SGCB: variants seen among roughly 807,000 people sequenced by gnomAD.
SGCB encodes beta-sarcoglycan.
SGCB carries 25 observed loss-of-function variants against 27.3 expected under a neutral mutation model. The observed-to-expected ratio is 0.92, with a 90% CI of 0.67 to 1.28. The LOEUF is 1.28. Ranked by LOEUF, SGCB falls within the 50% of genes most tolerant of loss-of-function variation. The pLI is 0.00. For missense variants in SGCB, 436 were observed against 402.1 expected (o/e 1.08, Z -0.72); for synonymous variants, 147 against 133.5 (o/e 1.10, Z -0.70).
In SGCB at chr4:52,022,733, G is replaced by A. The variant is rs1046206758; in HGVS notation, c.*1224C>T. 12 of 152,180 alleles carry A rather than the reference G, an allele frequency of 7.9e-5. No homozygotes were observed. Among genetic ancestry groups the A allele is most frequent in the African/African-American group, 2.9e-4 (12 of 41,438 alleles). The allele number at this position is 152,180 out of a possible 1,614,324, so 9.4% of individuals were successfully genotyped here. On this transcript the variant is annotated 3_prime_UTR_variant, in exon 6 of 6. Transcript: ENST00000381431. ...CCCACTTTCCACTGTGTTGCCCCGA[G>A]TGCTGAGGGTATAAATATCTTGGCA...
chr4:52,022,200 T>G lies in SGCB; in HGVS notation c.*1757A>C, dbSNP rs1736967896. Reference sequence around the variant, plus strand: ...CTTTTCATTTAAAAACAGCGCTCAGTGTTAGGTAGTAAGTCAATCCAATTT... The same window carrying G: ...CTTTTCATTTAAAAACAGCGCTCAGGGTTAGGTAGTAAGTCAATCCAATTT... On this transcript the variant is annotated 3_prime_UTR_variant, in exon 6 of 6. Transcript: ENST00000381431. 6.6e-6 allele frequency: 1 copy of G among 152,184 alleles called. No individual in the cohort carries two copies. The highest frequency in any genetic ancestry group is 1.5e-5 in the Non-Finnish European group (1 of 68,030). The allele number at this position is 152,184 out of a possible 1,614,324, so 9.4% of individuals were successfully genotyped here.
rs1287661105 is a variant in SGCB at position 52,029,740 on chromosome 4, A to G, written c.367T>C (p.Tyr123His). ...CGCCTTCCTCCTACTGTGCTTTTAT[A>G]AAGAGGGTGGATCACTCCCATGTCA... Reference protein sequence around the residue: ...VSDMGVIHPLYKSTVGGRRNE... With the variant: ...VSDMGVIHPLHKSTVGGRRNE... The change falls in exon 3 of 6, where the codon TAT becomes CAT. Residue 123 changes from tyrosine (Y) to histidine (H), a missense_variant. Coordinates refer to ENST00000381431, the MANE Select transcript of SGCB (RefSeq NM_000232.5). The G allele has an allele frequency of 6.2e-7, 1 of 1,613,838 alleles. No homozygotes were observed. The highest frequency in any genetic ancestry group is 8.5e-7 in the Non-Finnish European group (1 of 1,179,828).
At chr4:52,030,181 TTA>T (rs879830689) in intron 2 of SGCB, among the ~76,000 whole-genome samples, 397 of 152,302 alleles carry the variant, frequency 2.6e-3, no homozygotes, top group Non-Finnish European at 4.3e-3. Context: ...CATCTAGAAT[TTA>T]TCTCCTTATT....
In SGCB at chr4:52,024,128, C is replaced by G. The variant is rs1737025408; in HGVS notation, c.786G>C (p.Met262Ile). The stretch of plus-strand genomic sequence containing the variant: ...AACTGGGTAGGCGGGTGGTGCTGAC[C>G]ATCACAGATCCATTTAGGATGATAC... ...ENSIILNGSV[M>I]VSTTRLPSSS... The change falls in exon 6 of 6, where the codon ATG becomes ATC. Residue 262 changes from methionine to isoleucine, a missense_variant. By Grantham distance (10) the Met-to-Ile change is conservative. Transcript: ENST00000381431. The G allele has an allele frequency of 6.2e-7, 1 of 1,613,914 alleles. No homozygotes were observed. The highest frequency in any genetic ancestry group is 1.7e-5 in the Admixed American group (1 of 60,004).
intron 3 of SGCB, 74 bp from the exon 4 acceptor site, chr4:52,028,995 T>C (rs967667444): frequency 4.5e-5 from 51 of 1,124,040 alleles, no homozygotes; most frequent in African/African-American, 1.1e-4. Flanking sequence ...CAATATATTT[T>C]AAAAATTACA....
intron 1 of SGCB, among the ~76,000 whole-genome samples, chr4:52,036,847 C>T (rs1357127451): frequency 6.6e-6 from 1 of 152,154 alleles, no homozygotes; most frequent in African/African-American, 2.4e-5. Flanking sequence ...CTTAAAATGG[C>T]CTTGGTCCTA....
At position 52,038,275 on chromosome 4, in the gene SGCB, G is replaced by C. The variant is rs1057521057; in HGVS notation, c.-16C>G. The C allele has an allele frequency of 1.4e-4, 176 of 1,292,656 alleles. No homozygotes were observed. The highest frequency in any genetic ancestry group is 1.7e-4 in the Non-Finnish European group (169 of 1,018,076). The allele number at this position is 1,292,656 out of a possible 1,614,324, so 80.1% of individuals were successfully genotyped here. A position where few individuals can be genotyped will look rare whatever the true frequency, so the allele number is the denominator to read the frequency against. On this transcript the variant is annotated 5_prime_UTR_variant, in exon 1 of 6. Coordinates refer to ENST00000381431, the MANE Select transcript of SGCB (RefSeq NM_000232.5). ...CTGCCGCCATCTTCCCGCGCCCGCC[G>C]CCGCCGAGCTCCCCGCCCGACTGTG...
rs944139620 is a variant in SGCB at position 52,022,646 on chromosome 4, G to A, written c.*1311C>T. 45 of 152,018 alleles carry A rather than the reference G, an allele frequency of 3.0e-4. 1 individual carries two copies. Among genetic ancestry groups the A allele is most frequent in the African/African-American group, 1.1e-3 (44 of 41,364 alleles). The allele number at this position is 152,018 out of a possible 1,614,324, so 9.4% of individuals were successfully genotyped here. A position where few individuals can be genotyped will look rare whatever the true frequency, so the allele number is the denominator to read the frequency against. ...GTCCAGTGCTTCTGGACTTATTTTC[G>A]AGGCATGGTGTACTTACTAGGCCAT... On this transcript the variant is annotated 3_prime_UTR_variant, in exon 6 of 6. Transcript: ENST00000381431.
At position 52,038,269 on chromosome 4, in the gene SGCB, CCCG is replaced by C. The variant is rs1217614047; in HGVS notation, c.-13_-11del. 4.1e-5 allele frequency: 53 copies of C among 1,293,554 alleles called. No individual in the cohort carries two copies. Among genetic ancestry groups the C allele is most frequent in the Middle Eastern group, 5.9e-4 (2 of 3,402 alleles). The allele number at this position is 1,293,554 out of a possible 1,614,324, so 80.1% of individuals were successfully genotyped here. On this transcript the variant is annotated 5_prime_UTR_variant, in exon 1 of 6. Transcript: ENST00000381431. Reference sequence around the variant, plus strand: ...CCGCCGCTGCCGCCATCTTCCCGCGCCCGCCGCCGCCGAGCTCCCCGCCCGACT... The same window carrying C: ...CCGCCGCTGCCGCCATCTTCCCGCGCCCGCCGCCGAGCTCCCCGCCCGACT...
At chr4:52,038,170 G>C in intron 1 of SGCB, 57 bp downstream of exon 1, 1 of 1,132,366 alleles carries the variant, frequency 8.8e-7, no homozygotes, top group Non-Finnish European at 1.1e-6. Context: ...GGGCCCAGCC[G>C]GCAGGACGCG....
At chr4:52,033,896 A>G (rs796955728) in intron 1 of SGCB, among the ~76,000 whole-genome samples, 36 of 152,188 alleles carry the variant, frequency 2.4e-4, no homozygotes, top group African/African-American at 8.2e-4. Flanking sequence ...GTCAAAGTAT[A>G]CAGCTTGTTT....
chr4:52,037,896 G>C (rs2109380173), intron 1 of SGCB, among the ~76,000 whole-genome samples: 1 of 152,282 alleles, frequency 6.6e-6, no homozygotes, highest in South Asian at 2.1e-4. Flanking sequence ...CGGCTGAACG[G>C]GGTACGTCCC....
chr4:52,028,711 C>G lies in SGCB; in HGVS notation c.621+19G>C. ...GAATAATTCTCTCCCATTAGTAAAACAAAGCCAATAAATCATACCCTTTCA... is the reference window on the plus strand; with the variant it reads ...GAATAATTCTCTCCCATTAGTAAAAGAAAGCCAATAAATCATACCCTTTCA... On this transcript the variant is annotated intron_variant, in intron 4 of 5. Coordinates refer to ENST00000381431, the MANE Select transcript of SGCB (RefSeq NM_000232.5). 4 of 1,561,626 alleles carry G rather than the reference C, an allele frequency of 2.6e-6. No individual in the cohort carries two copies. In the East Asian group the frequency reaches 6.7e-5, roughly 26 times the overall value.
rs886044103 is a variant in SGCB, at chr4:52,038,245, C to CGCCGCT, written c.9_14dup (p.Ala8_Ala9dup). 7.6e-5 allele frequency: 98 copies of CGCCGCT among 1,292,950 alleles called. No individual in the cohort carries two copies. The Admixed American group carries it at 2.0e-3, about 27-fold the overall frequency. 80.1% of individuals were successfully genotyped at this position (1,292,950 alleles called of 1,614,324 possible). On this transcript the variant is annotated inframe_insertion, in exon 1 of 6. Coordinates refer to ENST00000381431, the MANE Select transcript of SGCB (RefSeq NM_000232.5). ...CACAGACCTGTTCTGCAGCCGCCGC[C>CGCCGCT]GCCGCTGCCGCCATCTTCCCGCGCC...
Position 52,031,449 on chromosome 4 carries a change from T to C in SGCB, c.244-1586A>G, listed in dbSNP as rs947980998. Among the ~76,000 whole-genome samples the C allele has an allele frequency of 1.1e-3, 157 of 144,614 alleles. 1 individual carries two copies. Among genetic ancestry groups the C allele is most frequent in the African/African-American group, 3.6e-3 (136 of 38,090 alleles). 94.9% of individuals were successfully genotyped at this position (144,614 alleles called of 152,430 possible). A position where few individuals can be genotyped will look rare whatever the true frequency, so the allele number is the denominator to read the frequency against. Reference sequence around the variant, plus strand: ...GTGTGTGTGTGTGTGTGTGTGTGTGTGCACGCGCATATCTATGAGTTCTTA... The same window carrying C: ...GTGTGTGTGTGTGTGTGTGTGTGTGCGCACGCGCATATCTATGAGTTCTTA... On this transcript the variant is annotated intron_variant, in intron 2 of 5. Transcript: ENST00000381431.
intron 5 of SGCB, among the ~76,000 whole-genome samples, chr4:52,024,840 A>T (rs1382963234): frequency 2.0e-5 from 3 of 147,388 alleles, no homozygotes; most frequent in Non-Finnish European, 4.4e-5. Flanking sequence ...AAAAAAAAAA[A>T]AAAAAAAAAA....
intron 5 of SGCB, among the ~76,000 whole-genome samples, chr4:52,024,759 C>T (rs1273494515): frequency 8.0e-6 from 1 of 124,998 alleles, no homozygotes; most frequent in Non-Finnish European, 1.6e-5. Context: ...ACCCGGGAGG[C>T]GGAGCTTGCA....
chr4:52,030,381 T>C (rs1737216612), intron 2 of SGCB, among the ~76,000 whole-genome samples: 1 of 152,156 alleles, frequency 6.6e-6, no homozygotes, highest in Non-Finnish European at 1.5e-5. Context: ...TTTAATTAAA[T>C]CCAAGGTCAT....
At chr4:52,025,204 G>T (rs1305024862) in intron 5 of SGCB, among the ~76,000 whole-genome samples, 1 of 152,094 alleles carries the variant, frequency 6.6e-6, no homozygotes, top group Non-Finnish European at 1.5e-5. Context: ...AATGGGGTAG[G>T]GGGAGACAAT....
Sources: gnomAD v4.1 joint callset for allele counts (sites outside exome capture counted in the v4.1 genomes callset) on GRCh38, gnomAD v4.1.1 for gene constraint, MANE v1.5 for transcripts, NCBI Gene and HGNC (gene_info 2026-07-23, HGNC 2026-07-21) for gene names.